Variants in RFT1 observed in about 807,000 individuals in gnomAD.
RFT1 encodes RFT1 glycolipid translocator homolog.
Under a neutral mutation model 62.2 loss-of-function variants are expected in RFT1, and 43 were observed. The observed-to-expected ratio is 0.69, with a 90% CI of 0.54 to 0.89. RFT1 has a LOEUF of 0.89. Ranked by LOEUF, RFT1 falls within the 40% of genes least tolerant of loss-of-function variation. The pLI, the probability that RFT1 is intolerant of heterozygous loss-of-function variation, is 0.00. For synonymous variants in RFT1, 262 were observed against 264.6 expected, an observed-to-expected ratio of 0.99 and a Z score of 0.10; for missense variants, 605 against 649.9, an observed-to-expected ratio of 0.93 and a Z score of 0.75.
Position 53,123,827 on chromosome 3 carries a change from A to C in RFT1, c.163T>G (p.Tyr55Asp). The change falls in exon 3 of 13, where the codon TAC becomes GAC. Residue 55 changes from tyrosine (Y) to aspartate (D), a missense_variant. Physicochemically the swap from Tyr to Asp is radical, Grantham distance 160. Coordinates refer to ENST00000296292, the MANE Select transcript of RFT1 (RefSeq NM_052859.4). Reference protein sequence around the residue: ...GVVNVRLTLLYSTTLFLAREA... With the variant: ...GVVNVRLTLLDSTTLFLAREA... ...CTGGCCAGGAAGAGGGTGGTTGAGT[A>C]AAGCAGCGTTAGTCTGTAAATGAAA... 6.2e-7 allele frequency: 1 copy of C among 1,613,974 alleles called. No homozygotes were observed. Among genetic ancestry groups the C allele is most frequent in the Non-Finnish European group, 8.5e-7 (1 of 1,179,812 alleles).
At chr3:53,097,670 A>G (rs1020302045) in intron 11 of RFT1, among the ~76,000 whole-genome samples, 1 of 152,186 alleles carries the variant, frequency 6.6e-6, no homozygotes, top group African/African-American at 2.4e-5. Context: ...CAACACTAAC[A>G]CTGAAGTTAC....
chr3:53,122,548 C>T lies in RFT1; in HGVS notation c.282G>A (p.Val94=), dbSNP rs753190656. 2.5e-6 allele frequency: 4 copies of T among 1,612,118 alleles called. No homozygotes were observed. Among genetic ancestry groups the T allele is most frequent in the Non-Finnish European group, 3.4e-6 (4 of 1,178,722 alleles). Residue 94 remains valine, a synonymous_variant, in exon 4 of 13, where the codon GTG becomes GTA. Coordinates refer to ENST00000296292, the MANE Select transcript of RFT1 (RefSeq NM_052859.4). ...NLLWLTVPLG[V]FWSLFLGWIW... ...TCCAGCCCAGGAATAAGGACCAAAA[C>T]ACACCCAGGGGGACTCTAGAAGAGG...
At chr3:53,105,586 G>T in intron 9 of RFT1, 87 bp downstream of exon 9, 1 of 1,481,596 alleles carries the variant, frequency 6.7e-7, no homozygotes, top group Non-Finnish European at 9.4e-7. Context: ...TGATCAAACA[G>T]AAGAGAAACA....
At chr3:53,122,025 G>A (rs1373791177) in intron 4 of RFT1, among the ~76,000 whole-genome samples, 1 of 152,112 alleles carries the variant, frequency 6.6e-6, no homozygotes, top group Non-Finnish European at 1.5e-5. Context: ...ATATTCTTTT[G>A]TAATCTATTA....
At chr3:53,113,674 TCAA>T (rs1234483932) in intron 6 of RFT1, among the ~76,000 whole-genome samples, 3 of 152,262 alleles carry the variant, frequency 2.0e-5, no homozygotes, top group Non-Finnish European at 4.4e-5. Context: ...TATTATCATT[TCAA>T]CAAGTAATCC....
chr3:53,116,447 C>T (rs530222016), intron 6 of RFT1, among the ~76,000 whole-genome samples: 3 of 152,222 alleles, frequency 2.0e-5, no homozygotes, highest in Admixed American at 6.5e-5. Context: ...GCATGTGCCA[C>T]CATGCCCAGC....
chr3:53,128,391 T>C (rs1276510254), intron 1 of RFT1, among the ~76,000 whole-genome samples: 6 of 152,224 alleles, frequency 3.9e-5, no homozygotes, highest in African/African-American at 1.2e-4. Flanking sequence ...CATATCCATG[T>C]CTCCTAATTG....
chr3:53,079,732 C>T, the RFT1 span, among the ~76,000 whole-genome samples: 1 of 152,196 alleles, frequency 6.6e-6, no homozygotes, highest in Non-Finnish European at 1.5e-5. Flanking sequence ...AAAAAGACAG[C>T]ACCCTCTGGG....
Position 53,126,007 on chromosome 3 carries a change from A to AG in RFT1, c.64-14dup, listed in dbSNP as rs763795636. 4 of 1,595,328 alleles carry AG rather than the reference A, an allele frequency of 2.5e-6. No homozygotes were observed. In the East Asian group the frequency reaches 8.9e-5, roughly 36 times the overall value. ...ACCGAAACAACACCTATAGAAAAAGAGGAAAAATACGTAAGAATAAATGAC... is the reference window on the plus strand; with the variant it reads ...ACCGAAACAACACCTATAGAAAAAGAGGGAAAAATACGTAAGAATAAATGAC... On this transcript the variant is annotated splice_polypyrimidine_tract_variant and intron_variant, in intron 1 of 12. Transcript: ENST00000296292.
At chr3:53,125,745 T>C (rs1350234560) in intron 2 of RFT1, among the ~76,000 whole-genome samples, 164 bp downstream of exon 2, 1 of 152,208 alleles carries the variant, frequency 6.6e-6, no homozygotes, top group Non-Finnish European at 1.5e-5. Flanking sequence ...CGCCTGCGCG[T>C]CCCTCCACTC....
At chr3:53,123,020 C>T (rs1026490485) in intron 3 of RFT1, among the ~76,000 whole-genome samples, 1 of 152,230 alleles carries the variant, frequency 6.6e-6, no homozygotes, top group Non-Finnish European at 1.5e-5. Flanking sequence ...TATCCTTTCG[C>T]ATGTTTCACA....
chr3:53,120,601 A>C (rs1701943259), intron 5 of RFT1, among the ~76,000 whole-genome samples: 1 of 152,168 alleles, frequency 6.6e-6, no homozygotes, highest in Non-Finnish European at 1.5e-5. Context: ...AGGACAAAAG[A>C]ATGGCTTCTG....
intron 10 of RFT1, among the ~76,000 whole-genome samples, chr3:53,102,283 G>A (rs1049885568): frequency 2.0e-5 from 3 of 152,214 alleles, no homozygotes; most frequent in Non-Finnish European, 2.9e-5. Context: ...GCTTCATTGT[G>A]CACTTCTGGC....
chr3:53,074,151 C>T, the RFT1 span, among the ~76,000 whole-genome samples: 7 of 152,266 alleles, frequency 4.6e-5, no homozygotes, highest in South Asian at 4.1e-4. Flanking sequence ...CTCTGGAAGA[C>T]GGAAATTGTC....
chr3:53,126,797 A>G (rs1382665161), intron 1 of RFT1, among the ~76,000 whole-genome samples: 1 of 152,216 alleles, frequency 6.6e-6, no homozygotes, highest in African/African-American at 2.4e-5. Context: ...CTAAATGGGG[A>G]TGCTGGGAAG....
intron 1 of RFT1, among the ~76,000 whole-genome samples, chr3:53,127,021 G>C (rs1702127023): frequency 6.6e-6 from 1 of 151,982 alleles, no homozygotes; most frequent in South Asian, 2.1e-4. Context: ...AAGTATCACA[G>C]AGCAGCAAGG....
chr3:53,107,127 T>C (rs1190161558), intron 7 of RFT1, among the ~76,000 whole-genome samples: 9 of 132,712 alleles, frequency 6.8e-5, no homozygotes, highest in Admixed American at 5.2e-4. Flanking sequence ...ATAAAACAAG[T>C]CTAAAAAGGT....
chr3:53,073,014 C>T, the RFT1 span, among the ~76,000 whole-genome samples: 1 of 152,220 alleles, frequency 6.6e-6, no homozygotes, highest in African/African-American at 2.4e-5. Flanking sequence ...TCTTCATCTC[C>T]GAGCACCTTT....
chr3:53,120,644 A>G (rs540388618), intron 5 of RFT1, among the ~76,000 whole-genome samples: 14 of 152,302 alleles, frequency 9.2e-5, no homozygotes, highest in Non-Finnish European at 1.8e-4. Flanking sequence ...TTGTCTGCAG[A>G]TTGAGGAGGA....
Sources: allele counts gnomAD v4.1 joint callset (sites outside exome capture counted in the v4.1 genomes callset), GRCh38; gene constraint gnomAD v4.1.1; transcripts MANE v1.5; gene names NCBI Gene and HGNC (gene_info 2026-07-23, HGNC 2026-07-21).